Variants in SCN11A observed in about 807,000 individuals in gnomAD.
The protein encoded by SCN11A is sodium voltage-gated channel alpha subunit 11, also known as sodium channel protein type 11 subunit alpha.
SCN11A carries 122 observed loss-of-function variants against 162.2 expected under a neutral mutation model. The ratio of observed to expected loss-of-function variants is 0.75; its 90% CI spans 0.65 to 0.87. The LOEUF is 0.87. SCN11A is among the 40% of genes least tolerant of loss of function. The probability of loss-of-function intolerance (pLI) is 0.00; values close to 1 mark genes in which losing one functional copy is unlikely to be tolerated. For synonymous variants in SCN11A, 758 were observed against 751.5 expected, an observed-to-expected ratio of 1.01 and a Z score of -0.14; for missense variants, 2,015 against 2,181.6, an observed-to-expected ratio of 0.92 and a Z score of 1.52.
chr3:38,846,331 C>G lies in SCN11A; in HGVS notation c.*363G>C. 5.0e-6 allele frequency: 1 copy of G among 199,872 alleles called. No individual in the cohort carries two copies. The highest frequency in any genetic ancestry group is 1.0e-4 in the South Asian group (1 of 9,728). 12.4% of individuals were successfully genotyped at this position (199,872 alleles called of 1,614,324 possible). ...GTTTCATCATGTTGGCCAGGATGGT[C>G]TCGATCTCTTGACCTCGTGATCCAC... On this transcript the variant is annotated 3_prime_UTR_variant, in exon 30 of 30. Coordinates refer to ENST00000302328, the MANE Select transcript of SCN11A (RefSeq NM_001349253.2).
chr3:38,941,108 C>A (rs990665919), intron 7 of SCN11A, among the ~76,000 whole-genome samples: 3 of 152,170 alleles, frequency 2.0e-5, no homozygotes, highest in Non-Finnish European at 4.4e-5. Context: ...CACCCCAACA[C>A]TGGCAAATGG....
chr3:39,022,603 CA>C (rs1291635531), intron 2 of SCN11A, among the ~76,000 whole-genome samples: 3 of 152,222 alleles, frequency 2.0e-5, no homozygotes, highest in Non-Finnish European at 4.4e-5. Context: ...TTTTTCTTGC[CA>C]GGGGCAGTGG....
rs962577786 is a variant in SCN11A, at chr3:38,950,491, G to C, written c.-7-122C>G. 8 of 976,966 alleles carry C rather than the reference G, an allele frequency of 8.2e-6. No individual in the cohort carries two copies. In the East Asian group the frequency reaches 1.5e-4, roughly 18 times the overall value. The allele number at this position is 976,966 out of a possible 1,614,324, so 60.5% of individuals were successfully genotyped here. On this transcript the variant is annotated intron_variant, in intron 4 of 29. Coordinates refer to ENST00000302328, the MANE Select transcript of SCN11A (RefSeq NM_001349253.2). ...TAAGGATCTACAAAAGCTGAGCTGA[G>C]GTCAGGGGCCTTGGGAGCTGATTGG...
chr3:38,900,017 G>A lies in SCN11A; in HGVS notation c.1899C>T (p.Pro633=). ...EMCLKIIALD[P]YHYFRRGWNI... ...TCCAGCCTCGGCGAAAGTAGTGGTAGGGATCGAGCGCAATGATTTTTAGGC... is the reference window on the plus strand; with the variant it reads ...TCCAGCCTCGGCGAAAGTAGTGGTAAGGATCGAGCGCAATGATTTTTAGGC... The change falls in exon 17 of 30, where the codon CCC becomes CCT. Residue 633 remains proline, a synonymous_variant. Transcript: ENST00000302328. The A allele has an allele frequency of 1.9e-6, 3 of 1,614,116 alleles. No individual in the cohort carries two copies. The highest frequency in any genetic ancestry group is 2.5e-6 in the Non-Finnish European group (3 of 1,179,994).
intron 11 of SCN11A, 90 bp from the exon 12 acceptor site, chr3:38,910,297 G>T: frequency 1.5e-6 from 2 of 1,333,220 alleles, no homozygotes; most frequent in Non-Finnish European, 2.1e-6. Context: ...TCCAAGGGCT[G>T]TGGGATCACA....
intron 27 of SCN11A, among the ~76,000 whole-genome samples, chr3:38,866,070 G>A (rs1559494670): frequency 6.6e-6 from 1 of 152,046 alleles, no homozygotes; most frequent in Non-Finnish European, 1.5e-5. Flanking sequence ...GAGATACACA[G>A]AATTTTAAAA....
intron 23 of SCN11A, among the ~76,000 whole-genome samples, chr3:38,873,518 T>TTTAAGTTA (rs1382714162): frequency 6.6e-6 from 1 of 152,156 alleles, no homozygotes; most frequent in Non-Finnish European, 1.5e-5. Context: ...TGGAGAGTTA[T>TTTAAGTTA]TTAAGTTATT....
At chr3:38,982,955 G>C (rs1324987353) in intron 2 of SCN11A, among the ~76,000 whole-genome samples, 1 of 152,166 alleles carries the variant, frequency 6.6e-6, no homozygotes, top group Non-Finnish European at 1.5e-5. Flanking sequence ...ACTTATGTGA[G>C]TTATCTCATT....
intron 7 of SCN11A, among the ~76,000 whole-genome samples, chr3:38,929,370 A>T (rs1276831849): frequency 6.6e-6 from 1 of 152,154 alleles, no homozygotes; most frequent in Non-Finnish European, 1.5e-5. Context: ...TGTGTGATCC[A>T]CTTATATGAG....
chr3:39,015,547 C>T lies in SCN11A; in HGVS notation c.-280+16833G>A, dbSNP rs1197186625. The stretch of plus-strand genomic sequence containing the variant: ...GCTCAGTATTTACATTGGATACAAA[C>T]ATTTGTATACTCTGTGCCTCTCCTA... On this transcript the variant is annotated intron_variant, in intron 2 of 29. Coordinates refer to ENST00000302328, the MANE Select transcript of SCN11A (RefSeq NM_001349253.2). 5.9e-5 allele frequency among the ~76,000 whole-genome samples: 9 copies of T among 152,068 alleles called. No homozygotes were observed. The East Asian group carries it at 7.7e-4, about 13-fold the overall frequency.
chr3:38,872,374 A>T (rs2065143148), intron 23 of SCN11A, 80 bp from the exon 24 acceptor site: 1 of 775,272 alleles, frequency 1.3e-6, no homozygotes, highest in African/African-American at 1.7e-5. Flanking sequence ...TATCTACCAA[A>T]GCTACAGTCC....
At chr3:38,952,014 T>G (rs752463743) in intron 4 of SCN11A, among the ~76,000 whole-genome samples, 1 of 152,162 alleles carries the variant, frequency 6.6e-6, no homozygotes, top group Non-Finnish European at 1.5e-5. Context: ...ATCTTGCTAC[T>G]GCTTACTCTT....
At position 39,050,069 on chromosome 3, in the gene SCN11A, A is replaced by G. The variant is rs75546666; in HGVS notation, c.-404+1792T>C. On this transcript the variant is annotated intron_variant, in intron 1 of 29. Transcript: ENST00000302328. Reference sequence around the variant, plus strand: ...CATCATAGGTGCTCAATAGACACTTAAGCAATTTTTAAAATACAGACATAT... The same window carrying G: ...CATCATAGGTGCTCAATAGACACTTGAGCAATTTTTAAAATACAGACATAT... 4.5e-3 allele frequency among the ~76,000 whole-genome samples: 692 copies of G among 152,364 alleles called. 2 individuals carry two copies. The highest frequency in any genetic ancestry group is 0.015 in the African/African-American group (634 of 41,582).
chr3:38,870,294 T>A (rs2065104478), intron 26 of SCN11A, among the ~76,000 whole-genome samples: 5 of 152,156 alleles, frequency 3.3e-5, no homozygotes, highest in Admixed American at 2.6e-4. Flanking sequence ...CCTTGCAAAT[T>A]TAGTGCAGTC....
At chr3:39,047,047 C>T (rs1411851823) in intron 1 of SCN11A, among the ~76,000 whole-genome samples, 1 of 98,258 alleles carries the variant, frequency 1.0e-5, no homozygotes. Flanking sequence ...CACCCCCATC[C>T]CCCCACCCCC....
chr3:38,936,026 C>G (rs2066325741), intron 7 of SCN11A, among the ~76,000 whole-genome samples: 2 of 152,274 alleles, frequency 1.3e-5, no homozygotes, highest in East Asian at 3.9e-4. Flanking sequence ...CCACCATGAT[C>G]AAGTGGGCTT....
chr3:38,981,228 CAT>C (rs2030024506), intron 2 of SCN11A, among the ~76,000 whole-genome samples: 1 of 152,194 alleles, frequency 6.6e-6, no homozygotes, highest in Non-Finnish European at 1.5e-5. Flanking sequence ...TGATCAACCA[CAT>C]GTTTAACAAG....
chr3:38,988,274 A>G (rs2030332136), intron 2 of SCN11A, among the ~76,000 whole-genome samples: 1 of 152,022 alleles, frequency 6.6e-6, no homozygotes, highest in Admixed American at 6.6e-5. Context: ...CCCTGGGCTG[A>G]GCCACACAGG....
At chr3:38,854,789 G>C (rs944504863) in intron 28 of SCN11A, among the ~76,000 whole-genome samples, 2 of 152,240 alleles carry the variant, frequency 1.3e-5, no homozygotes, top group African/African-American at 4.8e-5. Flanking sequence ...ACTTTAGGGA[G>C]CTGCATGAAG....
Sources: gnomAD v4.1 joint callset for allele counts (sites outside exome capture counted in the v4.1 genomes callset) on GRCh38, gnomAD v4.1.1 for gene constraint, MANE v1.5 for transcripts, NCBI Gene and HGNC (gene_info 2026-07-23, HGNC 2026-07-21) for gene names.